The following PARP14 variants were observed in gnomAD, a reference collection of about 807,000 sequenced individuals.
PARP14 encodes protein mono-ADP-ribosyltransferase PARP14.
PARP14 carries 59 observed loss-of-function variants against 154.2 expected under a neutral mutation model. That is an observed-to-expected ratio of 0.38 (90% confidence interval 0.31 to 0.48). The LOEUF is 0.48. PARP14 is among the 20% of genes least tolerant of loss of function. The probability of loss-of-function intolerance (pLI) is 0.98; values close to 1 mark genes in which losing one functional copy is unlikely to be tolerated. For synonymous variants in PARP14, 720 were observed against 780.5 expected (o/e 0.92, Z 1.29); for missense variants, 1,734 against 2,131.6 (o/e 0.81, Z 3.67).
chr3:122,725,927 T>C (rs1441090049), intron 15 of PARP14, among the ~76,000 whole-genome samples: 1 of 152,194 alleles, frequency 6.6e-6, no homozygotes, highest in East Asian at 1.9e-4. Flanking sequence ...TTGTTAGTTA[T>C]ACATTCTAAT....
intron 9 of PARP14, among the ~76,000 whole-genome samples, chr3:122,709,125 G>A (rs1007596194): frequency 1.4e-4 from 22 of 152,192 alleles, no homozygotes; most frequent in African/African-American, 4.6e-4. Flanking sequence ...CTTTAGTAGT[G>A]ATTTCTGAGA....
At chr3:122,714,201 T>C in intron 11 of PARP14, 61 bp from the exon 12 acceptor site, 1 of 1,421,470 alleles carries the variant, frequency 7.0e-7, no homozygotes, top group Non-Finnish European at 9.5e-7. Context: ...CATTTTGCTT[T>C]CTAAACAAAT....
intron 14 of PARP14, among the ~76,000 whole-genome samples, chr3:122,719,411 G>A (rs756289376): frequency 1.2e-4 from 18 of 152,264 alleles, no homozygotes; most frequent in South Asian, 2.1e-4. Context: ...AGGGAGGATC[G>A]GGAGCCTGTA....
intron 1 of PARP14, among the ~76,000 whole-genome samples, chr3:122,682,823 C>T (rs1938254288): frequency 6.6e-6 from 1 of 152,080 alleles, no homozygotes; most frequent in Admixed American, 6.6e-5. Flanking sequence ...GAGGCTGAGG[C>T]AGGTGGATGA....
At chr3:122,717,104 C>A (rs1419049582) in intron 12 of PARP14, among the ~76,000 whole-genome samples, 1 of 152,196 alleles carries the variant, frequency 6.6e-6, no homozygotes, top group African/African-American at 2.4e-5. Flanking sequence ...ATTTGAACAA[C>A]CCCCCTTGGT....
chr3:122,692,876 G>A (rs1403308625), intron 4 of PARP14, among the ~76,000 whole-genome samples: 2 of 152,020 alleles, frequency 1.3e-5, no homozygotes, highest in Admixed American at 6.6e-5. Flanking sequence ...TACAGGAGTC[G>A]GCTTTTTCAC....
intron 1 of PARP14, among the ~76,000 whole-genome samples, chr3:122,682,121 G>T (rs1291486898): frequency 1.3e-5 from 2 of 152,180 alleles, no homozygotes; most frequent in African/African-American, 4.8e-5. Context: ...GATATGCTTG[G>T]CTCATGGCCC....
At chr3:122,698,976 T>C (rs1035674269) in intron 5 of PARP14, among the ~76,000 whole-genome samples, 3 of 152,250 alleles carry the variant, frequency 2.0e-5, no homozygotes, top group African/African-American at 7.2e-5. Context: ...ATGTATTTCT[T>C]AACATGATGG....
At position 122,730,653 on chromosome 3, in the gene PARP14, A is replaced by G. The variant is rs1266721243; in HGVS notation, c.*2056A>G. ...GACAATAAATGTAAGAAATTGGAATAAAAAAGAGAGACCTGCTGTTATTCG... is the reference window on the plus strand; with the variant it reads ...GACAATAAATGTAAGAAATTGGAATGAAAAAGAGAGACCTGCTGTTATTCG... On this transcript the variant is annotated 3_prime_UTR_variant, in exon 17 of 17. Transcript: ENST00000474629. 6.6e-6 allele frequency: 1 copy of G among 152,654 alleles called. No individual in the cohort carries two copies. Among genetic ancestry groups the G allele is most frequent in the Non-Finnish European group, 1.5e-5 (1 of 68,038 alleles). 9.5% of individuals were successfully genotyped at this position (152,654 alleles called of 1,614,324 possible).
At position 122,700,991 on chromosome 3, in the gene PARP14, C is replaced by A. The variant is rs201424511; in HGVS notation, c.2437C>A (p.Arg813=). The change falls in exon 6 of 17, where the codon CGG becomes AGG. Residue 813 remains arginine, a synonymous_variant. Transcript: ENST00000474629. ...GATTGTGCAGCAGGGTGACTTGGCA[C>A]GGCTTCCTGTCGATGTGGTGGTGAA... The part of the protein sequence containing the change: ...VLIVQQGDLA[R]LPVDVVVNAS... The A allele has an allele frequency of 6.2e-7, 1 of 1,613,866 alleles. No individual in the cohort carries two copies. The highest frequency in any genetic ancestry group is 8.5e-7 in the Non-Finnish European group (1 of 1,179,880).
At position 122,685,290 on chromosome 3, in the gene PARP14, A is replaced by G; in HGVS notation, c.293A>G (p.His98Arg). Residue 98 changes from histidine (H) to arginine (R), a missense_variant, in exon 2 of 17, where the codon CAT (histidine) becomes CGT (arginine). His to Arg is a conservative substitution (Grantham distance 29, BLOSUM62 0). Transcript: ENST00000474629. ...CCTGCAACCCCAGATGAAATCGATC[A>G]TGTCTTTGAAGAGGAACTTCTAACA... ...QLPATPDEID[H>R]VFEEELLTKE... is the part of the protein sequence containing the mutation. 1 of 1,613,880 alleles carries G rather than the reference A, an allele frequency of 6.2e-7. No homozygotes were observed.
chr3:122,720,722 C>G, intron 15 of PARP14: 1 of 464,384 alleles, frequency 2.2e-6, no homozygotes, highest in Non-Finnish European at 4.3e-6. Flanking sequence ...TGCAGAGGCT[C>G]CTTAGATCAG....
chr3:122,692,314 A>G lies in PARP14; in HGVS notation c.369A>G (p.Glu123=), dbSNP rs892287266. The G allele has an allele frequency of 1.4e-5, 22 of 1,611,566 alleles. No homozygotes were observed. The Admixed American group carries it at 3.0e-4, about 22-fold the overall frequency. Residue 123 remains glutamate (E), a synonymous_variant, in exon 4 of 17, where the codon GAA becomes GAG. Coordinates refer to ENST00000474629, the MANE Select transcript of PARP14 (RefSeq NM_017554.3). ...EDVKEPDVSE[E]LDTKLPLDGG... ...TCCTAAAATCAGATGTGTCAGAAGA[A>G]TTGGATACAAAACTCCCTCTTGATG...
Position 122,701,401 on chromosome 3 carries a change from G to A in PARP14, c.2847G>A (p.Lys949=), listed in dbSNP as rs549319128. 1.2e-6 allele frequency: 2 copies of A among 1,614,028 alleles called. No homozygotes were observed. Among genetic ancestry groups the A allele is most frequent in the African/African-American group, 2.7e-5 (2 of 75,062 alleles). The change falls in exon 6 of 17, where the codon AAG becomes AAA. Residue 949 remains lysine, a synonymous_variant. Coordinates refer to ENST00000474629, the MANE Select transcript of PARP14 (RefSeq NM_017554.3). The surrounding 1 kb of genome is among the most constrained non-coding windows in gnomAD (Gnocchi z 4.0). Reference sequence around the variant, plus strand: ...TCAAGGAAAACTTCCAATTCAAGAAGGATGGACACTGCTTGAAAGAAATCT... The same window carrying A: ...TCAAGGAAAACTTCCAATTCAAGAAAGATGGACACTGCTTGAAAGAAATCT... ...SAIKENFQFK[K]DGHCLKEIYL...
rs1391557354 is a variant in PARP14, at chr3:122,709,904, G to T, written c.3619+1636G>T. ...GATGGGATTATTTGTTTTTTTTTTT[G>T]TTTGTTTGTTTGTTTTTTCTTGCGA... On this transcript the variant is annotated intron_variant, in intron 9 of 16. Coordinates refer to ENST00000474629, the MANE Select transcript of PARP14 (RefSeq NM_017554.3). Among the ~76,000 whole-genome samples the T allele has an allele frequency of 1.9e-3, 241 of 123,892 alleles. 1 individual carries two copies. The highest frequency in any genetic ancestry group is 2.9e-3 in the South Asian group (11 of 3,774). The allele number at this position is 123,892 out of a possible 152,430, so 81.3% of individuals were successfully genotyped here. A position where few individuals can be genotyped will look rare whatever the true frequency, so the allele number is the denominator to read the frequency against.
chr3:122,713,008 G>C (rs1161353828), intron 9 of PARP14, among the ~76,000 whole-genome samples: 1 of 152,176 alleles, frequency 6.6e-6, no homozygotes, highest in Non-Finnish European at 1.5e-5. Context: ...GAGAAAAGAG[G>C]AAAAATTTTA....
Position 122,695,555 on chromosome 3 carries a change from G to A in PARP14, c.728G>A (p.Ser243Asn). The change falls in exon 5 of 17, where the codon AGT becomes AAT. Residue 243 changes from serine to asparagine, a missense_variant. Ser to Asn is a conservative substitution (Grantham distance 46, BLOSUM62 1). This residue lies in a region of PARP14 where 1,646 missense variants were observed against 1,976.0 expected (regional missense o/e 0.83). Transcript: ENST00000474629. Reference sequence around the variant, plus strand: ...CTGCCACCTGGTGCTGATGACTACAGTTTAAAACTTTTCTTTGAAAATCCC... The same window carrying A: ...CTGCCACCTGGTGCTGATGACTACAATTTAAAACTTTTCTTTGAAAATCCC... ...ENLPPGADDY[S>N]LKLFFENPYN... 6.2e-7 allele frequency: 1 copy of A among 1,609,700 alleles called. No individual in the cohort carries two copies. The highest frequency in any genetic ancestry group is 1.7e-4 in the Middle Eastern group (1 of 6,054).
chr3:122,695,580 C>T lies in PARP14; in HGVS notation c.753C>T (p.Pro251=). ...DYSLKLFFEN[P]YNGGGRVANV... ...GTTTAAAACTTTTCTTTGAAAATCC[C>T]TATAATGGAGGGGGAAGAGTTGCCA... The change falls in exon 5 of 17, where the codon CCC becomes CCT. Residue 251 remains proline, a synonymous_variant. Transcript: ENST00000474629. The T allele has an allele frequency of 6.2e-7, 1 of 1,611,030 alleles. No homozygotes were observed. Among genetic ancestry groups the T allele is most frequent in the South Asian group, 1.1e-5 (1 of 90,816 alleles).
intron 12 of PARP14, among the ~76,000 whole-genome samples, chr3:122,714,862 G>C (rs2107651716): frequency 6.6e-6 from 1 of 152,230 alleles, no homozygotes; most frequent in African/African-American, 2.4e-5. Context: ...CACTCTAGCT[G>C]ATTCCCAGAG....
Sources: allele counts gnomAD v4.1 joint callset (sites outside exome capture counted in the v4.1 genomes callset), GRCh38; gene constraint gnomAD v4.1.1; regional missense constraint gnomAD v4.1.1; non-coding constraint Gnocchi (gnomAD v3.1); transcripts MANE v1.5; gene names NCBI Gene and HGNC (gene_info 2026-07-23, HGNC 2026-07-21).